The following LY96 variants were observed in gnomAD, a reference collection of about 807,000 sequenced individuals.
The protein encoded by LY96 is myeloid differentiation protein-2.
Under a neutral mutation model 18.9 loss-of-function variants are expected in LY96, and 18 were observed. That is an observed-to-expected ratio of 0.95 (90% CI 0.66 to 1.41). The LOEUF (loss-of-function observed/expected upper bound fraction) is 1.41, where lower values mean the gene tolerates loss of function less well. Among genes scored for constraint, LY96 ranks in the 40% most tolerant of loss-of-function variants. LY96 has a pLI of 0.00. For missense variants in LY96, 175 were observed against 182.4 expected, an observed-to-expected ratio of 0.96 and a Z score of 0.23; for synonymous variants, 66 against 62.6, an observed-to-expected ratio of 1.06 and a Z score of -0.26.
the LY96 span, among the ~76,000 whole-genome samples, chr8:74,035,857 C>T: frequency 6.6e-6 from 1 of 152,104 alleles, no homozygotes; most frequent in Non-Finnish European, 1.5e-5. Flanking sequence ...ACCTGGAAGC[C>T]CCTCAACCTC....
In LY96 at chr8:74,002,068, TTCCTTC is replaced by T. The variant is rs1563710810; in HGVS notation, c.113-2727_113-2722del. 3.4e-3 allele frequency among the ~76,000 whole-genome samples: 122 copies of T among 35,600 alleles called. 4 individuals carry two copies. The highest frequency in any genetic ancestry group is 0.016 in the East Asian group (23 of 1,446). 23.4% of individuals were successfully genotyped at this position (35,600 alleles called of 152,430 possible). On this transcript the variant is annotated intron_variant, in intron 1 of 4. Transcript: ENST00000284818. ...CTTCCTTCCTTCCTTCCTTCCTTCC[TTCCTTC>T]CTTTCTTTCTTTCTTTCTTTCTCTC...
intron 2 of LY96, among the ~76,000 whole-genome samples, chr8:74,008,784 G>T (rs1169923968): frequency 6.6e-6 from 1 of 152,186 alleles, no homozygotes; most frequent in African/African-American, 2.4e-5. Flanking sequence ...ACCTTATGTG[G>T]TACTTGGCCT....
the LY96 span, among the ~76,000 whole-genome samples, chr8:74,083,773 C>T: frequency 3.3e-5 from 5 of 152,106 alleles, no homozygotes; most frequent in East Asian, 3.9e-4. Context: ...CTCACTGCAG[C>T]CTTGACCTCT....
chr8:74,092,417 G>A, the LY96 span, among the ~76,000 whole-genome samples: 1 of 152,120 alleles, frequency 6.6e-6, no homozygotes. Context: ...TGGCCCCCGA[G>A]GGACACTCAA....
At chr8:74,086,468 A>G in the LY96 span, among the ~76,000 whole-genome samples, 1 of 152,194 alleles carries the variant, frequency 6.6e-6, no homozygotes, top group African/African-American at 2.4e-5. Context: ...GCTGGTTCCA[A>G]TTAATCACGA....
At chr8:74,094,816 AT>A in the LY96 span, among the ~76,000 whole-genome samples, 1 of 152,206 alleles carries the variant, frequency 6.6e-6, no homozygotes, top group Admixed American at 6.5e-5. Flanking sequence ...CAGATTTTCC[AT>A]TTTTGGGGTA....
At chr8:74,032,476 T>A (rs1299345867), downstream of LY96, among the ~76,000 whole-genome samples, 1 of 152,266 alleles carries the variant, frequency 6.6e-6, no homozygotes, top group Non-Finnish European at 1.5e-5. Flanking sequence ...TCTGATTACC[T>A]GTGCTTGCAG....
chr8:74,019,105 A>C (rs552643038), intron 3 of LY96, among the ~76,000 whole-genome samples: 2 of 152,342 alleles, frequency 1.3e-5, no homozygotes, highest in East Asian at 1.9e-4. Flanking sequence ...GAGACAAAAA[A>C]ACCCTTCAAA....
chr8:74,006,227 G>A (rs377570300), intron 2 of LY96, among the ~76,000 whole-genome samples: 3 of 151,976 alleles, frequency 2.0e-5, no homozygotes, highest in Non-Finnish European at 4.4e-5. Context: ...TGGAGTCTCT[G>A]TCTGTTGCCC....
Position 74,010,032 on chromosome 8 carries a change from C to A in LY96, c.234C>A (p.Leu78=). The change falls in exon 3 of 5, where the codon CTC becomes CTA. Residue 78 remains leucine, a synonymous_variant. Transcript: ENST00000284818. ...RRDLKQLYFN[L]YITVNTMNLP... Reference sequence around the variant, plus strand: ...ATTTAAAGCAATTATATTTCAATCTCTATATAACTGTCAACACCATGAATC... The same window carrying A: ...ATTTAAAGCAATTATATTTCAATCTATATATAACTGTCAACACCATGAATC... The A allele has an allele frequency of 1.9e-6, 3 of 1,605,930 alleles. No individual in the cohort carries two copies. Among genetic ancestry groups the A allele is most frequent in the Non-Finnish European group, 2.6e-6 (3 of 1,172,806 alleles).
chr8:74,014,686 T>C (rs1415924975), intron 3 of LY96, among the ~76,000 whole-genome samples: 1 of 152,004 alleles, frequency 6.6e-6, no homozygotes, highest in East Asian at 1.9e-4. Context: ...GCAAGTACCA[T>C]ACATATCTAT....
At chr8:74,003,886 C>G (rs750394694) in intron 1 of LY96, among the ~76,000 whole-genome samples, 8 of 152,088 alleles carry the variant, frequency 5.3e-5, no homozygotes, top group Non-Finnish European at 1.2e-4. Flanking sequence ...CACTATTAGC[C>G]TGGTTAGAGA....
chr8:73,991,990 C>A (rs1438120715), intron 1 of LY96, among the ~76,000 whole-genome samples: 2 of 152,110 alleles, frequency 1.3e-5, no homozygotes, highest in African/African-American at 4.8e-5. Flanking sequence ...TGGAATCATC[C>A]CCCTCACTGG....
At chr8:74,052,886 T>C in the LY96 span, among the ~76,000 whole-genome samples, 1 of 152,230 alleles carries the variant, frequency 6.6e-6, no homozygotes, top group Non-Finnish European at 1.5e-5. Context: ...ACATTTACCA[T>C]GTGGGAATAT....
the LY96 span, among the ~76,000 whole-genome samples, chr8:74,081,657 C>T: frequency 6.6e-6 from 1 of 151,012 alleles, no homozygotes; most frequent in African/African-American, 2.4e-5. Context: ...GCTGGTGTTT[C>T]TTTTTTTTTC....
intron 1 of LY96, among the ~76,000 whole-genome samples, chr8:74,003,061 T>C (rs1207984271): frequency 6.6e-6 from 1 of 152,240 alleles, no homozygotes; most frequent in East Asian, 1.9e-4. Flanking sequence ...GTCTTGCTCC[T>C]TTGTTTGAAA....
intron 3 of LY96, among the ~76,000 whole-genome samples, chr8:74,013,581 C>G (rs1190863756): frequency 6.6e-6 from 1 of 152,084 alleles, no homozygotes; most frequent in African/African-American, 2.4e-5. Flanking sequence ...AGCCATTGCT[C>G]CTGGACATTT....
chr8:74,067,728 A>G, the LY96 span, among the ~76,000 whole-genome samples: 1 of 149,360 alleles, frequency 6.7e-6, no homozygotes. Context: ...CTGAGTTTTG[A>G]AAAAAAAAAT....
At chr8:74,038,229 T>A in the LY96 span, among the ~76,000 whole-genome samples, 1 of 152,220 alleles carries the variant, frequency 6.6e-6, no homozygotes, top group South Asian at 2.1e-4. Flanking sequence ...TTTTAAGATA[T>A]ACAATTACAT....
Sources: allele counts gnomAD v4.1 joint callset (sites outside exome capture counted in the v4.1 genomes callset), GRCh38; gene constraint gnomAD v4.1.1; transcripts MANE v1.5; gene names NCBI Gene and HGNC (gene_info 2026-07-23, HGNC 2026-07-21).